The following XRCC5 variants were observed in gnomAD, a reference collection of about 807,000 sequenced individuals.
XRCC5 encodes DNA repair protein Ku80.
Under a neutral mutation model 95.7 loss-of-function variants are expected in XRCC5, and 12 were observed. The observed-to-expected ratio is 0.13, with a 90% CI of 0.08 to 0.20. XRCC5 has a LOEUF of 0.20. XRCC5 is among the 10% of genes least tolerant of loss of function. The pLI, the probability that XRCC5 is intolerant of heterozygous loss-of-function variation, is 1.00. For synonymous variants in XRCC5, 281 were observed against 290.3 expected, an observed-to-expected ratio of 0.97 and a Z score of 0.33; for missense variants, 595 against 873.9, an observed-to-expected ratio of 0.68 and a Z score of 4.02.
chr2:216,132,827 C>A lies in XRCC5; in HGVS notation c.1113+440C>A, dbSNP rs181558031. 7.2e-5 allele frequency among the ~76,000 whole-genome samples: 11 copies of A among 152,292 alleles called. No individual in the cohort carries two copies. In the East Asian group the frequency reaches 1.2e-3, roughly 16 times the overall value. ...ATACTCTGTTTTCAGGCTGGTTTTT[C>A]TCTAGCTAACAGCCTATGACTGCTG... On this transcript the variant is annotated intron_variant, in intron 10 of 20. Coordinates refer to ENST00000392132, the MANE Select transcript of XRCC5 (RefSeq NM_021141.4).
chr2:216,164,487 T>G (rs1689017182), intron 16 of XRCC5, among the ~76,000 whole-genome samples: 1 of 152,252 alleles, frequency 6.6e-6, no homozygotes, highest in South Asian at 2.1e-4. Flanking sequence ...CTTTAACAGC[T>G]TTTGCCAGAA....
Position 216,138,096 on chromosome 2 carries a change from T to C in XRCC5, c.1259T>C (p.Val420Ala), listed in dbSNP as rs749700802. The change falls in exon 12 of 21, where the codon GTG (valine) becomes GCG (alanine). Residue 420 changes from valine (V) to alanine (A), a missense_variant. Val to Ala is a moderately conservative substitution (Grantham distance 64, BLOSUM62 0). Around this residue, in one of 2 missense-constraint regions of XRCC5, gnomAD observed 309 missense variants for 382.9 expected, o/e 0.81. Coordinates refer to ENST00000392132, the MANE Select transcript of XRCC5 (RefSeq NM_021141.4). ...CCCTTTCTTTCTCATTAGTGTTTAG[T>C]GTATGTGCAGCTGCCTTTCATGGAA... ...PHIKHNYECL[V>A]YVQLPFMEDL... The C allele has an allele frequency of 1.1e-5, 17 of 1,612,974 alleles. No homozygotes were observed. The South Asian group carries it at 1.6e-4, about 16-fold the overall frequency.
At chr2:216,116,959 C>A in intron 3 of XRCC5, 117 bp downstream of exon 3, 1 of 1,165,782 alleles carries the variant, frequency 8.6e-7, no homozygotes, top group Non-Finnish European at 1.2e-6. Context: ...ATATTTTGCT[C>A]TGAGGAGGGG....
intron 19 of XRCC5, among the ~76,000 whole-genome samples, chr2:216,199,890 G>GA (rs200473269): frequency 3.2e-4 from 43 of 135,048 alleles, no homozygotes; most frequent in Middle Eastern, 8.3e-3. Flanking sequence ...TAAGCTCTGT[G>GA]AAAAAAAAAT....
chr2:216,122,201 G>A lies in XRCC5; in HGVS notation c.631G>A (p.Val211Met), dbSNP rs1356414256. ...QKEGLEIVKM[V>M]MISLEGEDGL... The stretch of plus-strand genomic sequence containing the variant: ...AGAAGGTCTTGAGATAGTGAAAATG[G>A]TGATGATATCTTTAGAAGGTGAAGA... The change falls in exon 6 of 21, where the codon GTG (valine) becomes ATG (methionine). Residue 211 changes from valine (V) to methionine (M), a missense_variant. Val to Met is a conservative substitution (Grantham distance 21, BLOSUM62 1). Transcript: ENST00000392132. The A allele has an allele frequency of 1.2e-6, 2 of 1,613,756 alleles. No individual in the cohort carries two copies. The highest frequency in any genetic ancestry group is 1.7e-6 in the Non-Finnish European group (2 of 1,179,890).
Position 216,111,956 on chromosome 2 carries a change from G to C in XRCC5, c.22-1060G>C, listed in dbSNP as rs140657505. ...CAGAAGACCCTTCTTTTCTCTTCTT[G>C]AATTCACTACACTGTTGATACAGAC... On this transcript the variant is annotated intron_variant, in intron 1 of 20. Coordinates refer to ENST00000392132, the MANE Select transcript of XRCC5 (RefSeq NM_021141.4). Among the ~76,000 whole-genome samples the C allele has an allele frequency of 2.0e-3, 308 of 152,260 alleles. 2 individuals are homozygous for C. The highest frequency in any genetic ancestry group is 7.1e-3 in the African/African-American group (293 of 41,540).
chr2:216,187,854 C>G (rs1689533456), intron 16 of XRCC5, among the ~76,000 whole-genome samples: 3 of 137,560 alleles, frequency 2.2e-5, no homozygotes, highest in South Asian at 4.8e-4. Flanking sequence ...CTCTCTCTCT[C>G]TCTCTCTCCC....
At chr2:216,182,112 C>T (rs976913204) in intron 16 of XRCC5, among the ~76,000 whole-genome samples, 10 of 152,156 alleles carry the variant, frequency 6.6e-5, no homozygotes, top group Non-Finnish European at 1.0e-4. Context: ...TTGTGTGCTG[C>T]CTCCCCCTTG....
At chr2:216,138,316 AGTAATGATGAAG>A in intron 12 of XRCC5, 137 bp downstream of exon 12, 2 of 733,988 alleles carry the variant, frequency 2.7e-6, no homozygotes, top group South Asian at 3.2e-5. Context: ...ACTTAGACAC[AGTAATGATGAAG>A]GTGGTTTACT....
intron 6 of XRCC5, among the ~76,000 whole-genome samples, chr2:216,125,686 C>G (rs41299774): frequency 1.3e-5 from 2 of 152,168 alleles, no homozygotes; most frequent in Admixed American, 6.5e-5. Flanking sequence ...TAGAGCTGTT[C>G]ATTTTCACCT....
chr2:216,172,470 T>TTTTCTTTTC (rs1491112846), intron 16 of XRCC5, among the ~76,000 whole-genome samples: 19 of 45,030 alleles, frequency 4.2e-4, no homozygotes, highest in African/African-American at 2.3e-3. Flanking sequence ...TTTTCTTTTC[T>TTTTCTTTTC]TTTTTTTTTT....
At chr2:216,149,958 CT>C (rs758857251) in intron 14 of XRCC5, among the ~76,000 whole-genome samples, 23 of 152,236 alleles carry the variant, frequency 1.5e-4, no homozygotes, top group Non-Finnish European at 3.4e-4. Context: ...TCTGAGAAAG[CT>C]TAGTTTTTAA....
At chr2:216,155,908 C>T (rs1166290260) in intron 14 of XRCC5, among the ~76,000 whole-genome samples, 1 of 152,076 alleles carries the variant, frequency 6.6e-6, no homozygotes, top group Non-Finnish European at 1.5e-5. Flanking sequence ...CCTGGCACAG[C>T]CCATATTTGA....
At chr2:216,199,762 A>G (rs1032676576) in intron 19 of XRCC5, among the ~76,000 whole-genome samples, 3 of 139,738 alleles carry the variant, frequency 2.1e-5, no homozygotes, top group Admixed American at 7.3e-5. Flanking sequence ...CTCCTTTAGT[A>G]TTGAGAAAGC....
chr2:216,159,967 C>CTTTTTTTTTT, intron 14 of XRCC5, 101 bp from the exon 15 acceptor site: 1 of 581,298 alleles, frequency 1.7e-6, no homozygotes, highest in South Asian at 3.0e-5. Flanking sequence ...TCTTCTTCTT[C>CTTTTTTTTTT]TTTTTTCTTT....
intron 16 of XRCC5, among the ~76,000 whole-genome samples, chr2:216,185,839 G>C (rs1689483436): frequency 1.3e-5 from 2 of 152,010 alleles, no homozygotes; most frequent in Admixed American, 1.3e-4. Context: ...TGGCCAGGCT[G>C]GTCTCGAACT....
intron 1 of XRCC5, among the ~76,000 whole-genome samples, chr2:216,109,795 A>G (rs1413710592): frequency 7.3e-6 from 1 of 136,108 alleles, no homozygotes; most frequent in African/African-American, 2.8e-5. Context: ...CCCTAGCCCC[A>G]CTTCCTCTAT....
chr2:216,181,411 A>G (rs936581994), intron 16 of XRCC5, among the ~76,000 whole-genome samples: 2 of 152,050 alleles, frequency 1.3e-5, no homozygotes, highest in Non-Finnish European at 1.5e-5. Context: ...GCTTGCCACA[A>G]TCTGGTCCCA....
At chr2:216,124,673 T>A (rs1322415977) in intron 6 of XRCC5, among the ~76,000 whole-genome samples, 3 of 152,216 alleles carry the variant, frequency 2.0e-5, no homozygotes, top group Non-Finnish European at 4.4e-5. Flanking sequence ...TCTTGCGACC[T>A]GTCTGTCCAT....
Sources: allele counts gnomAD v4.1 joint callset (sites outside exome capture counted in the v4.1 genomes callset), GRCh38; gene constraint gnomAD v4.1.1; regional missense constraint gnomAD v4.1.1; transcripts MANE v1.5; gene names NCBI Gene and HGNC (gene_info 2026-07-23, HGNC 2026-07-21).